The following SLC26A5 variants were observed in gnomAD, a reference collection of about 807,000 sequenced individuals.
SLC26A5 encodes the protein solute carrier family 26 member 5, also known as prestin.
In SLC26A5, 51 loss-of-function variants were observed where a neutral mutation model predicts 81.0. The ratio of observed to expected loss-of-function variants is 0.63; its 90% CI spans 0.50 to 0.80. The LOEUF (loss-of-function observed/expected upper bound fraction) is 0.80, where lower values mean the gene tolerates loss of function less well. SLC26A5 is among the 30% of genes least tolerant of loss of function. SLC26A5 has a pLI of 0.00. For missense variants in SLC26A5, 771 were observed against 905.8 expected, an observed-to-expected ratio of 0.85 and a Z score of 1.91; for synonymous variants, 325 against 332.8, an observed-to-expected ratio of 0.98 and a Z score of 0.25.
At chr7:103,430,076 CTTTTTTTTTT>C (rs34122107) in intron 2 of SLC26A5, among the ~76,000 whole-genome samples, 1 of 137,186 alleles carries the variant, frequency 7.3e-6, no homozygotes, top group Non-Finnish European at 1.6e-5. Flanking sequence ...GGAAATGGCA[CTTTTTTTTTT>C]TTTTTTTTTG....
chr7:103,388,864 A>G, intron 14 of SLC26A5, 144 bp downstream of exon 14: 1 of 685,332 alleles, frequency 1.5e-6, no homozygotes, highest in South Asian at 1.5e-5. Context: ...TCAACAGGCT[A>G]CATGAGTGTT....
At chr7:103,418,857 C>T (rs1483164016) in intron 4 of SLC26A5, among the ~76,000 whole-genome samples, 6 of 152,114 alleles carry the variant, frequency 3.9e-5, no homozygotes, top group African/African-American at 4.8e-5. Context: ...ATCCATTCCC[C>T]CCACAGCAGT....
chr7:103,376,571 G>T (rs1043310923), intron 19 of SLC26A5, among the ~76,000 whole-genome samples: 3 of 152,084 alleles, frequency 2.0e-5, no homozygotes, highest in Non-Finnish European at 4.4e-5. Flanking sequence ...TATAATAAAT[G>T]ATGGCTTATT....
At chr7:103,420,192 CT>C (rs1303297635) in intron 4 of SLC26A5, among the ~76,000 whole-genome samples, 5 of 150,534 alleles carry the variant, frequency 3.3e-5, no homozygotes, top group African/African-American at 1.2e-4. Context: ...CAAAATGTTT[CT>C]TGAGTGACTG....
At chr7:103,414,286 A>G (rs1824738825) in intron 4 of SLC26A5, among the ~76,000 whole-genome samples, 1 of 151,534 alleles carries the variant, frequency 6.6e-6, no homozygotes, top group South Asian at 2.1e-4. Flanking sequence ...CCCGGGCTCA[A>G]GCAATCCTCC....
At chr7:103,421,328 A>G (rs1316252456) in intron 3 of SLC26A5, 35 bp downstream of exon 3, 1 of 1,612,344 alleles carries the variant, frequency 6.2e-7, no homozygotes, top group African/African-American at 1.3e-5. Context: ...TAACTGAATG[A>G]TACAATAACA....
At chr7:103,408,415 C>T (rs1019314921) in intron 7 of SLC26A5, among the ~76,000 whole-genome samples, 3 of 152,078 alleles carry the variant, frequency 2.0e-5, no homozygotes, top group East Asian at 1.9e-4. Flanking sequence ...TTAGTAGACA[C>T]GGAGTTTCAC....
chr7:103,385,706 T>C (rs1256552803), intron 14 of SLC26A5, among the ~76,000 whole-genome samples: 1 of 147,954 alleles, frequency 6.8e-6, no homozygotes, highest in East Asian at 1.9e-4. Context: ...TCTTTTCTTT[T>C]TTTTTTTTTT....
At position 103,367,134 on chromosome 7, in the gene SLC26A5, A is replaced by G. The variant is rs531170054; in HGVS notation, c.2041+9674T>C. On this transcript the variant is annotated intron_variant, in intron 19 of 19. Transcript: ENST00000339444. This position sits in a 1 kb window ranked among gnomAD's most constrained non-coding sequence, Gnocchi z 6.1. ...CTTCATGAGTTTTTGAGAGGTCCAA[A>G]TTAAGTAATAAATGTGGTAGACTTT... Among the ~76,000 whole-genome samples the G allele has an allele frequency of 2.0e-5, 3 of 152,348 alleles. No individual in the cohort carries two copies. Among genetic ancestry groups the G allele is most frequent in the East Asian group, 3.9e-4 (2 of 5,192 alleles).
chr7:103,372,167 G>A (rs1216840204), downstream of SLC26A5, among the ~76,000 whole-genome samples: 1 of 152,122 alleles, frequency 6.6e-6, no homozygotes. Flanking sequence ...TGATTGCAAA[G>A]GAAATAACTA....
At chr7:103,424,593 T>C (rs1255239072) in intron 2 of SLC26A5, among the ~76,000 whole-genome samples, 1 of 152,228 alleles carries the variant, frequency 6.6e-6, no homozygotes, top group Non-Finnish European at 1.5e-5. Context: ...AGGTAATTTC[T>C]TCCTACATAT....
intron 8 of SLC26A5, among the ~76,000 whole-genome samples, chr7:103,402,070 A>G (rs1045097229): frequency 6.6e-6 from 1 of 152,106 alleles, no homozygotes; most frequent in East Asian, 1.9e-4. Flanking sequence ...TGATGCTGGC[A>G]TCATAAAATC....
intron 8 of SLC26A5, 39 bp from the exon 9 acceptor site, chr7:103,398,053 A>G (rs980300993): frequency 2.7e-6 from 4 of 1,479,312 alleles, no homozygotes; most frequent in Admixed American, 1.7e-5. Flanking sequence ...TTAGAGATGA[A>G]TGTTCAAATA....
At position 103,411,492 on chromosome 7, in the gene SLC26A5, A is replaced by G. The variant is rs151200437; in HGVS notation, c.498T>C (p.Asn166=). 544 of 1,614,056 alleles carry G rather than the reference A, an allele frequency of 3.4e-4. 3 individuals carry two copies. The highest frequency in any genetic ancestry group is 4.1e-4 in the Non-Finnish European group (483 of 1,180,034). The change falls in exon 6 of 20, where the codon AAT becomes AAC. Residue 166 remains asparagine (N), a synonymous_variant. Transcript: ENST00000306312. ...IVIPGGVNAT[N]GTEARDALRV... ...TCAAGGCATCTCTGGCCTCTGTGCC[A>G]TTGGTTGCATTTACTCCTCCTGGAA...
At chr7:103,405,480 C>A (rs1277215385) in intron 8 of SLC26A5, among the ~76,000 whole-genome samples, 1 of 152,224 alleles carries the variant, frequency 6.6e-6, no homozygotes, top group Non-Finnish European at 1.5e-5. Flanking sequence ...GACGTCCATT[C>A]CAGACCCTGT....
chr7:103,394,610 G>A (rs978459604), intron 9 of SLC26A5, among the ~76,000 whole-genome samples: 3 of 152,040 alleles, frequency 2.0e-5, no homozygotes, highest in Non-Finnish European at 4.4e-5. Flanking sequence ...AAAATGCACT[G>A]CTCATTTACC....
intron 8 of SLC26A5, among the ~76,000 whole-genome samples, chr7:103,399,807 G>A (rs1459665760): frequency 6.6e-6 from 1 of 152,186 alleles, no homozygotes; most frequent in Non-Finnish European, 1.5e-5. Flanking sequence ...ACTTGCAAGT[G>A]AGAACATGTG....
At chr7:103,427,199 G>A (rs948870425) in intron 2 of SLC26A5, among the ~76,000 whole-genome samples, 2 of 151,352 alleles carry the variant, frequency 1.3e-5, no homozygotes, top group African/African-American at 2.4e-5. Context: ...TCAGCCTCCC[G>A]AGTAGCTGGG....
At chr7:103,389,280 CAT>C in intron 13 of SLC26A5, 47 bp downstream of exon 13, 1 of 1,391,306 alleles carries the variant, frequency 7.2e-7, no homozygotes, top group Non-Finnish European at 1.0e-6. Context: ...TAGCACTAAT[CAT>C]ATCTGCTCTA....
Sources: allele counts gnomAD v4.1 joint callset (sites outside exome capture counted in the v4.1 genomes callset), GRCh38; gene constraint gnomAD v4.1.1; non-coding constraint Gnocchi (gnomAD v3.1); transcripts MANE v1.5; gene names NCBI Gene and HGNC (gene_info 2026-07-23, HGNC 2026-07-21).